The following TNKS2 variants were observed in gnomAD, a reference collection of about 807,000 sequenced individuals.
TNKS2 encodes tankyrase 2, also known as poly [ADP-ribose] polymerase tankyrase-2.
In TNKS2, 72 loss-of-function variants were observed where a neutral mutation model predicts 137.6. The ratio of observed to expected loss-of-function variants is 0.52; its 90% confidence interval spans 0.43 to 0.64. The LOEUF is 0.64. TNKS2 is among the 30% of genes least tolerant of loss of function. The pLI, the probability that TNKS2 is intolerant of heterozygous loss-of-function variation, is 0.00. For synonymous variants in TNKS2, 516 were observed against 512.1 expected (o/e 1.01, Z -0.10); for missense variants, 1,049 against 1,410.2 (o/e 0.74, Z 4.10).
At chr10:91,843,577 A>T (rs1007222346) in intron 16 of TNKS2, among the ~76,000 whole-genome samples, 1 of 152,114 alleles carries the variant, frequency 6.6e-6, no homozygotes, top group African/African-American at 2.4e-5. Context: ...GGCACAGTGT[A>T]CCTTTGTTTT....
chr10:91,848,570 C>T lies in TNKS2; in HGVS notation c.2546C>T (p.Ser849Leu). ...SSLDNLSGSF[S>L]ELSSVVSSSG... ...CTTGACAACTTATCTGGGAGTTTTTCAGAACTGTCTTCAGTAGTTAGTTCA... is the reference window on the plus strand; with the variant it reads ...CTTGACAACTTATCTGGGAGTTTTTTAGAACTGTCTTCAGTAGTTAGTTCA... Residue 849 changes from serine to leucine, a missense_variant, in exon 19 of 27, where the codon TCA becomes TTA. This residue lies in a region of TNKS2 where 208 missense variants were observed against 231.2 expected (regional missense o/e 0.90). Coordinates refer to ENST00000371627, the MANE Select transcript of TNKS2 (RefSeq NM_025235.4). 1 of 1,614,158 alleles carries T rather than the reference C, an allele frequency of 6.2e-7. No homozygotes were observed. The highest frequency in any genetic ancestry group is 8.5e-7 in the Non-Finnish European group (1 of 1,180,024).
intron 2 of TNKS2, among the ~76,000 whole-genome samples, chr10:91,816,161 G>T (rs1313859675): frequency 6.6e-6 from 1 of 151,880 alleles, no homozygotes; most frequent in African/African-American, 2.4e-5. Flanking sequence ...TGTTAGCCAG[G>T]ATGGTCTCGA....
At chr10:91,829,533 G>C (rs573759283) in intron 9 of TNKS2, among the ~76,000 whole-genome samples, 1 of 152,196 alleles carries the variant, frequency 6.6e-6, no homozygotes, top group Admixed American at 6.5e-5. Context: ...CTCCAAGATG[G>C]TGCAGAGGAG....
At chr10:91,817,743 A>G (rs181986781) in intron 3 of TNKS2, among the ~76,000 whole-genome samples, 10 of 152,324 alleles carry the variant, frequency 6.6e-5, no homozygotes, top group Non-Finnish European at 8.8e-5. Context: ...TTTCAGTACC[A>G]TGCTAGTTGT....
chr10:91,822,363 G>A lies in TNKS2; in HGVS notation c.795+1G>A. 1.2e-6 allele frequency: 2 copies of A among 1,610,444 alleles called. No homozygotes were observed. Among genetic ancestry groups the A allele is most frequent in the Non-Finnish European group, 1.7e-6 (2 of 1,177,018 alleles). ...TGAAGTAACTGAACTTTTGGTCAAG[G>A]TTAGTGCTCTTGTACTCTCCTAATT... On this transcript the variant is annotated splice_donor_variant, in intron 7 of 26. Transcript: ENST00000371627. LOFTEE classifies it high-confidence loss of function.
chr10:91,851,743 G>C (rs920015522), intron 21 of TNKS2, among the ~76,000 whole-genome samples: 1 of 152,136 alleles, frequency 6.6e-6, no homozygotes, highest in African/African-American at 2.4e-5. Context: ...TACTATAGTA[G>C]ATCTCTTATG....
At chr10:91,857,604 T>C in intron 24 of TNKS2, 74 bp downstream of exon 24, 1 of 892,244 alleles carries the variant, frequency 1.1e-6, no homozygotes, top group Non-Finnish European at 1.7e-6. Context: ...TATGAAATAA[T>C]AATAAGCCTG....
Position 91,863,575 on chromosome 10 carries a change from T to C in TNKS2, c.*576T>C, listed in dbSNP as rs1003099479. 3.9e-5 allele frequency: 6 copies of C among 152,356 alleles called. No homozygotes were observed. The highest frequency in any genetic ancestry group is 1.4e-4 in the African/African-American group (6 of 41,458). The allele number at this position is 152,356 out of a possible 1,614,324, so 9.4% of individuals were successfully genotyped here. A position where few individuals can be genotyped will look rare whatever the true frequency, so the allele number is the denominator to read the frequency against. ...ATTTGATTCCAGAGGCTATGTTCAG[T>C]TGTTAGTTGGGAAAGATTGAGTTAT... On this transcript the variant is annotated 3_prime_UTR_variant, in exon 27 of 27. Transcript: ENST00000371627.
At chr10:91,813,276 G>T (rs1844568448) in intron 2 of TNKS2, 69 bp downstream of exon 2, 1 of 1,262,950 alleles carries the variant, frequency 7.9e-7, no homozygotes, top group African/African-American at 1.5e-5. Flanking sequence ...GAATTAATCT[G>T]TTCATATCAT....
intron 2 of TNKS2, 144 bp from the exon 3 acceptor site, chr10:91,816,990 G>T: frequency 1.8e-6 from 1 of 562,902 alleles, no homozygotes. Context: ...TATTTAAAAT[G>T]TAACATTCCC....
At chr10:91,829,973 C>G (rs1845189468) in intron 9 of TNKS2, among the ~76,000 whole-genome samples, 1 of 152,156 alleles carries the variant, frequency 6.6e-6, no homozygotes, top group Non-Finnish European at 1.5e-5. Flanking sequence ...AGATATTAGG[C>G]TTAGGCTTAT....
intron 16 of TNKS2, among the ~76,000 whole-genome samples, chr10:91,843,424 A>G (rs1842274235): frequency 6.6e-6 from 1 of 152,180 alleles, no homozygotes; most frequent in Admixed American, 6.5e-5. Context: ...TAATGGGCTC[A>G]TTTTAACTTT....
In TNKS2 at chr10:91,848,528, T is replaced by C. The variant is rs1254813162; in HGVS notation, c.2504T>C (p.Leu835Pro). Residue 835 changes from leucine to proline, a missense_variant, in exon 19 of 27, where the codon CTT becomes CCT. By Grantham distance (98) the Leu-to-Pro change is moderately conservative. Around this residue, in one of 6 missense-constraint regions of TNKS2, gnomAD observed 208 missense variants for 231.2 expected, o/e 0.90. Transcript: ENST00000371627. ...TCAGGTCCATCTAGCCCATCAAGCCTTTCTGCAGCCAGCAGTCTTGACAAC... is the reference window on the plus strand; with the variant it reads ...TCAGGTCCATCTAGCCCATCAAGCCCTTCTGCAGCCAGCAGTCTTGACAAC... Reference protein sequence around the residue: ...LSSGPSSPSSLSAASSLDNLS... With the variant: ...LSSGPSSPSSPSAASSLDNLS... 6.2e-7 allele frequency: 1 copy of C among 1,614,150 alleles called. No individual in the cohort carries two copies. The highest frequency in any genetic ancestry group is 8.5e-7 in the Non-Finnish European group (1 of 1,180,036).
Position 91,827,177 on chromosome 10 carries a change from C to T in TNKS2, c.956C>T (p.Thr319Ile), listed in dbSNP as rs764106777. 3.2e-6 allele frequency: 5 copies of T among 1,569,944 alleles called. No individual in the cohort carries two copies. The highest frequency in any genetic ancestry group is 4.3e-6 in the Non-Finnish European group (5 of 1,156,844). ...AAAAGTGCTATAGACTTGGCTCCCA[C>T]ACCACAGTTAAAAGAAAGATTAGCA... is the stretch of plus-strand genomic sequence containing the variant. ...HNKSAIDLAP[T>I]PQLKERLAYE... The change falls in exon 8 of 27, where the codon ACA becomes ATA. Residue 319 changes from threonine to isoleucine, a missense_variant. Thr to Ile is a moderately conservative substitution (Grantham distance 89). Coordinates refer to ENST00000371627, the MANE Select transcript of TNKS2 (RefSeq NM_025235.4).
chr10:91,826,132 C>T (rs1845060490), intron 7 of TNKS2, among the ~76,000 whole-genome samples: 1 of 152,172 alleles, frequency 6.6e-6, no homozygotes, highest in South Asian at 2.1e-4. Context: ...CAAGTCTGCA[C>T]ATGAAATTCA....
chr10:91,819,890 TA>T (rs1286334801), intron 5 of TNKS2, 48 bp from the exon 6 acceptor site: 5 of 1,395,814 alleles, frequency 3.6e-6, no homozygotes, highest in Admixed American at 2.3e-5. Flanking sequence ...TCACACATTT[TA>T]TTCAACCATT....
Position 91,827,020 on chromosome 10 carries a change from G to T in TNKS2, c.799G>T (p.Gly267Cys). The change falls in exon 8 of 27, where the codon GGT becomes TGT. Residue 267 changes from glycine (G) to cysteine (C), a missense_variant. By Grantham distance (159) the Gly-to-Cys change is radical (BLOSUM62 -3). Transcript: ENST00000371627. The stretch of plus-strand genomic sequence containing the variant: ...ATATATGCTTTTTGCTCTCCAGCAT[G>T]GTGCCTGTGTAAATGCAATGGACTT... The part of the protein sequence containing the change: ...YEVTELLVKH[G>C]ACVNAMDLWQ... 6.4e-7 allele frequency: 1 copy of T among 1,561,464 alleles called. No homozygotes were observed. The highest frequency in any genetic ancestry group is 8.7e-7 in the Non-Finnish European group (1 of 1,153,818).
At chr10:91,806,792 A>T (rs918555929) in intron 1 of TNKS2, among the ~76,000 whole-genome samples, 2 of 152,230 alleles carry the variant, frequency 1.3e-5, no homozygotes, top group African/African-American at 4.8e-5. Context: ...CATGGATCTG[A>T]CAAAATGGTT....
chr10:91,812,405 G>A (rs1346689528), intron 1 of TNKS2, among the ~76,000 whole-genome samples: 1 of 152,182 alleles, frequency 6.6e-6, no homozygotes, highest in Non-Finnish European at 1.5e-5. Context: ...TGGCAAAGTA[G>A]GGACTCCTTT....
Sources: allele counts gnomAD v4.1 joint callset (sites outside exome capture counted in the v4.1 genomes callset), GRCh38; gene constraint gnomAD v4.1.1; regional missense constraint gnomAD v4.1.1; transcripts MANE v1.5; gene names NCBI Gene and HGNC (gene_info 2026-07-23, HGNC 2026-07-21).